Variants in PRKN observed in about 807,000 individuals in gnomAD.
PRKN encodes the protein E3 ubiquitin-protein ligase parkin.
Under a neutral mutation model 59.5 loss-of-function variants are expected in PRKN, and 56 were observed. That is an observed-to-expected ratio of 0.94 (90% CI 0.76 to 1.18). The LOEUF (loss-of-function observed/expected upper bound fraction) is 1.18. PRKN is among the 50% of genes most tolerant of loss of function. The pLI is 0.00. For synonymous variants in PRKN, 250 were observed against 222.1 expected (o/e 1.13, Z -1.12); for missense variants, 657 against 596.4 (o/e 1.10, Z -1.06).
rs557368627 is a variant in PRKN at position 162,520,580 on chromosome 6, A to G, written c.8-77107T>C. On this transcript the variant is annotated intron_variant, in intron 1 of 11. Coordinates refer to ENST00000366898, the MANE Select transcript of PRKN (RefSeq NM_004562.3). ...TCACTACTTCTGAACCTCTTGCCAA[A>G]TATTATTACAAACCAATGAATTTAC... 2.0e-5 allele frequency among the ~76,000 whole-genome samples: 3 copies of G among 152,286 alleles called. No homozygotes were observed. In the South Asian group the frequency reaches 6.2e-4, roughly 32 times the overall value.
In PRKN at chr6:161,378,609, C is replaced by T. The variant is rs1304497336; in HGVS notation, c.1167+8185G>A. ...ACTAGCATCTGCAGGCTGCCGGCAC[C>T]CTGCATGGCACTGCATTGTGTCCCA... On this transcript the variant is annotated intron_variant, in intron 10 of 11. Coordinates refer to ENST00000366898, the MANE Select transcript of PRKN (RefSeq NM_004562.3). This position sits in a 1 kb window ranked among gnomAD's most constrained non-coding sequence, Gnocchi z 7.3. Among the ~76,000 whole-genome samples, 6 of 152,162 alleles carry T rather than the reference C, an allele frequency of 3.9e-5. No individual in the cohort carries two copies. The highest frequency in any genetic ancestry group is 1.2e-4 in the African/African-American group (5 of 41,420).
At position 161,380,426 on chromosome 6, in the gene PRKN, C is replaced by CTTTTTT. The variant is rs977152868; in HGVS notation, c.1167+6362_1167+6367dup. Among the ~76,000 whole-genome samples, 792 of 117,876 alleles carry CTTTTTT rather than the reference C, an allele frequency of 6.7e-3. 4 individuals carry two copies. The highest frequency in any genetic ancestry group is 9.1e-3 in the Non-Finnish European group (520 of 57,268). The allele number at this position is 117,876 out of a possible 152,430, so 77.3% of individuals were successfully genotyped here. ...GGCCAAGTCCAAAGTCCAAGTCTAT[C>CTTTTTT]TTTTTTTTTTTTTTTTTTTTTTGGA... On this transcript the variant is annotated intron_variant, in intron 10 of 11. Transcript: ENST00000366898.
chr6:161,434,053 T>G (rs1274900773), intron 9 of PRKN, among the ~76,000 whole-genome samples: 1 of 152,092 alleles, frequency 6.6e-6, no homozygotes, highest in African/African-American at 2.4e-5. Flanking sequence ...CTCCAGGAGT[T>G]TCACTTTTTG....
At chr6:162,526,543 A>G (rs2846505) in intron 1 of PRKN, among the ~76,000 whole-genome samples, 69,131 of 151,206 alleles carry the variant, frequency 0.46, 18,341 homozygotes, top group Non-Finnish European at 0.6. Flanking sequence ...CCAGCTACTC[A>G]GGAGGCTGAG....
At chr6:161,507,502 A>G (rs998959450) in intron 9 of PRKN, among the ~76,000 whole-genome samples, 2 of 152,228 alleles carry the variant, frequency 1.3e-5, no homozygotes, top group South Asian at 2.1e-4. Context: ...CGCCAATTAT[A>G]ATCTACAATC....
At chr6:162,140,985 C>T (rs1781755286) in intron 4 of PRKN, among the ~76,000 whole-genome samples, 1 of 151,906 alleles carries the variant, frequency 6.6e-6, no homozygotes, top group South Asian at 2.1e-4. Flanking sequence ...CAAAAAGTAG[C>T]CAGGCGTTGT....
At chr6:161,738,682 C>T (rs1307874103) in intron 7 of PRKN, among the ~76,000 whole-genome samples, 3 of 152,108 alleles carry the variant, frequency 2.0e-5, no homozygotes, top group African/African-American at 2.4e-5. Context: ...GGCTGCTCCC[C>T]GAAACCCTGG....
chr6:162,391,775 G>C (rs2128145106), intron 2 of PRKN, among the ~76,000 whole-genome samples: 1 of 152,272 alleles, frequency 6.6e-6, no homozygotes, highest in East Asian at 1.9e-4. Flanking sequence ...CTGGCATTCT[G>C]CCTGGAAATA....
intron 9 of PRKN, among the ~76,000 whole-genome samples, chr6:161,394,060 T>A (rs1583013460): frequency 6.6e-6 from 1 of 152,182 alleles, no homozygotes; most frequent in Non-Finnish European, 1.5e-5. Context: ...AGAGGAAGTC[T>A]CCCTATGAGT....
In PRKN at chr6:161,387,734, C is replaced by T. The variant is rs1174883650; in HGVS notation, c.1084-857G>A. On this transcript the variant is annotated intron_variant, in intron 9 of 11. Coordinates refer to ENST00000366898, the MANE Select transcript of PRKN (RefSeq NM_004562.3). Reference sequence around the variant, plus strand: ...AGAAATGGGTGGCTATGGGCTGAACCGTGCCCCCACATAATGGATAGGTGG... The same window carrying T: ...AGAAATGGGTGGCTATGGGCTGAACTGTGCCCCCACATAATGGATAGGTGG... 5.9e-5 allele frequency among the ~76,000 whole-genome samples: 9 copies of T among 152,262 alleles called. No individual in the cohort carries two copies. In the East Asian group the frequency reaches 1.2e-3, roughly 20 times the overall value.
At chr6:162,384,650 AAAAAAAAAAAAAC>A (rs1786690262) in intron 2 of PRKN, among the ~76,000 whole-genome samples, 1 of 143,616 alleles carries the variant, frequency 7.0e-6, no homozygotes, top group Non-Finnish European at 1.5e-5. Context: ...CAATTTGTAA[AAAAAAAAAAAAAC>A]AAAAAAAAAA....
chr6:162,632,260 T>C (rs181222976), intron 1 of PRKN, among the ~76,000 whole-genome samples: 1 of 152,304 alleles, frequency 6.6e-6, no homozygotes, highest in African/African-American at 2.4e-5. Context: ...TAAACTCAGG[T>C]GTCCATCAAT....
intron 1 of PRKN, among the ~76,000 whole-genome samples, chr6:162,694,528 G>A (rs115175207): frequency 0.013 from 1,945 of 152,202 alleles, 47 homozygotes; most frequent in African/African-American, 0.043. Flanking sequence ...ACTCTCTTAA[G>A]GTTATTCAAA....
At chr6:161,840,893 C>G (rs1792957337) in intron 6 of PRKN, among the ~76,000 whole-genome samples, 1 of 151,386 alleles carries the variant, frequency 6.6e-6, no homozygotes, top group African/African-American at 2.4e-5. Flanking sequence ...GTCAGAATGG[C>G]TATTATTAAA....
chr6:162,348,499 A>G (rs1464875348), intron 2 of PRKN, among the ~76,000 whole-genome samples: 3 of 152,204 alleles, frequency 2.0e-5, no homozygotes, highest in Non-Finnish European at 4.4e-5. Flanking sequence ...CAAATCAATG[A>G]CATTTTCTAT....
intron 1 of PRKN, among the ~76,000 whole-genome samples, chr6:162,578,991 A>G (rs569266759): frequency 1.2e-4 from 18 of 152,328 alleles, no homozygotes; most frequent in African/African-American, 4.1e-4. Context: ...CTTATTCAAA[A>G]AGTTTATTTA....
chr6:161,850,844 T>C (rs1793403080), intron 6 of PRKN, among the ~76,000 whole-genome samples: 1 of 152,114 alleles, frequency 6.6e-6, no homozygotes, highest in African/African-American at 2.4e-5. Context: ...CATACTAATG[T>C]GGGGTGGAAT....
intron 2 of PRKN, among the ~76,000 whole-genome samples, chr6:162,311,377 A>G (rs1188172225): frequency 6.6e-6 from 1 of 152,144 alleles, no homozygotes; most frequent in Non-Finnish European, 1.5e-5. Context: ...AATCAGAAAC[A>G]TAGCTAAGTT....
chr6:162,576,840 C>T (rs1197342416), intron 1 of PRKN, among the ~76,000 whole-genome samples: 3 of 143,320 alleles, frequency 2.1e-5, no homozygotes, highest in Non-Finnish European at 4.5e-5. Context: ...AAAGGGACTA[C>T]TTATTGTACA....
Sources: allele counts gnomAD v4.1 joint callset (sites outside exome capture counted in the v4.1 genomes callset), GRCh38; gene constraint gnomAD v4.1.1; non-coding constraint Gnocchi (gnomAD v3.1); transcripts MANE v1.5; gene names NCBI Gene and HGNC (gene_info 2026-07-23, HGNC 2026-07-21).